Variants in TMEM164 observed in about 807,000 individuals in gnomAD.
TMEM164 encodes the protein transmembrane protein 164.
A neutral mutation model predicts 18.8 loss-of-function variants in TMEM164; 4 were observed. That is an observed-to-expected ratio of 0.21 (90% CI 0.10 to 0.49). The LOEUF (loss-of-function observed/expected upper bound fraction) is 0.49. Ranked by LOEUF, TMEM164 falls within the 20% of genes least tolerant of loss-of-function variation. TMEM164 has a pLI of 0.98. For missense variants in TMEM164, 108 were observed against 239.9 expected (o/e 0.45, Z 3.63); for synonymous variants, 86 against 101.7 (o/e 0.85, Z 0.93).
chrX:110,134,708 G>C (rs781507825), intron 4 of TMEM164, among the ~76,000 whole-genome samples: 144 of 109,093 alleles, frequency 1.3e-3, no homozygotes, highest in Admixed American at 6.7e-3. Flanking sequence ...CTGGAGGTGA[G>C]GTGAGGAGTG....
downstream of TMEM164, among the ~76,000 whole-genome samples, chrX:110,180,058 A>C (rs371340660): frequency 1.1e-4 from 12 of 112,366 alleles, no homozygotes; most frequent in Non-Finnish European, 2.3e-4. Flanking sequence ...GTCCTGGATA[A>C]GGAGGCAGTA....
chrX:110,096,664 G>A (rs756976972), intron 3 of TMEM164, among the ~76,000 whole-genome samples: 19 of 112,101 alleles, frequency 1.7e-4, no homozygotes, highest in South Asian at 1.1e-3. Context: ...GCCCTGCTTC[G>A]GCTCATGCTT....
chrX:110,026,339 G>T (rs189915829), intron 2 of TMEM164, among the ~76,000 whole-genome samples: 1 of 111,836 alleles, frequency 8.9e-6, no homozygotes. Flanking sequence ...AGAAAAGGGC[G>T]TGTTCCTCTA....
chrX:110,008,261 C>T (rs1367137708), intron 2 of TMEM164, among the ~76,000 whole-genome samples: 1 of 111,989 alleles, frequency 8.9e-6, no homozygotes, highest in Non-Finnish European at 1.9e-5. Context: ...TGTTGCATTC[C>T]GGTTGTTATG....
intron 3 of TMEM164, among the ~76,000 whole-genome samples, chrX:110,104,509 A>G (rs1436514210): frequency 8.9e-6 from 1 of 112,199 alleles, no homozygotes; most frequent in Non-Finnish European, 1.9e-5. Context: ...CCCAAGAATC[A>G]GAGAAAAGTT....
At chrX:110,061,771 G>A (rs1334919741) in intron 2 of TMEM164, among the ~76,000 whole-genome samples, 1 of 111,398 alleles carries the variant, frequency 9.0e-6, no homozygotes, top group Admixed American at 9.6e-5. Context: ...GGCAAATCAA[G>A]GGAGATAATG....
At chrX:110,055,442 C>T in intron 2 of TMEM164, 1 of 188,227 alleles carries the variant, frequency 5.3e-6, no homozygotes, top group Non-Finnish European at 1.1e-5. Context: ...TACTCGGCGG[C>T]CCTGGCATAA....
At chrX:110,058,610 T>TTTC (rs1555993444) in intron 2 of TMEM164, among the ~76,000 whole-genome samples, 1 of 31,600 alleles carries the variant, frequency 3.2e-5, no homozygotes, top group Non-Finnish European at 1.1e-4. Flanking sequence ...CCTTTCTTTC[T>TTTC]TTTTTTTTTT....
chrX:110,144,317 C>T (rs3850158), intron 4 of TMEM164, among the ~76,000 whole-genome samples: 1,361 of 111,698 alleles, frequency 0.012, 16 homozygotes, highest in African/African-American at 0.042. Context: ...AATAGTCTAC[C>T]GTCTAGTCTC....
chrX:110,140,604 C>T (rs751939294), intron 4 of TMEM164, among the ~76,000 whole-genome samples: 1 of 111,785 alleles, frequency 8.9e-6, no homozygotes, highest in Non-Finnish European at 1.9e-5. Flanking sequence ...CTGTTTCAGA[C>T]AGTCTAAACT....
intron 5 of TMEM164, among the ~76,000 whole-genome samples, chrX:110,168,083 G>A (rs972957263): frequency 5.3e-5 from 6 of 112,196 alleles, no homozygotes; most frequent in South Asian, 7.4e-4. Context: ...AGGGGGCGCC[G>A]AGCAGAGAGG....
intron 5 of TMEM164, among the ~76,000 whole-genome samples, chrX:110,168,224 C>T (rs976454891): frequency 8.8e-6 from 1 of 113,045 alleles, no homozygotes; most frequent in Admixed American, 9.2e-5. Context: ...GGTGACAACA[C>T]GGTGCCCAGT....
intron 2 of TMEM164, among the ~76,000 whole-genome samples, chrX:110,031,727 T>C (rs1002896626): frequency 2.9e-4 from 32 of 110,987 alleles, no homozygotes; most frequent in Non-Finnish European, 5.8e-4. Context: ...CAGTGTGAGA[T>C]TTTGATACAC....
At chrX:110,076,403 T>C (rs924225900) in intron 3 of TMEM164, among the ~76,000 whole-genome samples, 1 of 111,416 alleles carries the variant, frequency 9.0e-6, no homozygotes, top group Non-Finnish European at 1.9e-5. Context: ...TTATAGATCT[T>C]GTTTATCCTT....
intron 4 of TMEM164, among the ~76,000 whole-genome samples, chrX:110,124,172 A>AAGGCAGGCAGGC (rs1376162998): frequency 6.0e-4 from 50 of 83,970 alleles, no homozygotes; most frequent in African/African-American, 2.5e-3. Context: ...GGAAGGAAGG[A>AAGGCAGGCAGGC]AGGAAGGCAG....
Position 110,127,849 on chromosome X carries a change from T to C in TMEM164, c.508-16949T>C, listed in dbSNP as rs2066556870. Reference sequence around the variant, plus strand: ...TGTGTCCTGTATCAGCAAGCTGCCATTGAAAGAGGGCCATGGACCCTGCGT... The same window carrying C: ...TGTGTCCTGTATCAGCAAGCTGCCACTGAAAGAGGGCCATGGACCCTGCGT... On this transcript the variant is annotated intron_variant, in intron 4 of 6. Coordinates refer to ENST00000372068, the MANE Select transcript of TMEM164 (RefSeq NM_032227.4). 3.6e-5 allele frequency among the ~76,000 whole-genome samples: 4 copies of C among 111,539 alleles called. No homozygotes were observed. The Admixed American group carries it at 3.8e-4, about 11-fold the overall frequency.
chrX:110,173,044 C>T (rs920558440), intron 6 of TMEM164, among the ~76,000 whole-genome samples: 3 of 112,036 alleles, frequency 2.7e-5, no homozygotes, highest in African/African-American at 6.5e-5. Context: ...CACTAGACGG[C>T]CCTCCGCCAT....
downstream of TMEM164, chrX:110,182,654 G>A (rs2067327927): frequency 8.9e-6 from 1 of 111,763 alleles, no homozygotes. Context: ...GGGTTGATGT[G>A]AGTGGCTGTC....
At chrX:110,050,371 G>A (rs1389229733) in intron 2 of TMEM164, among the ~76,000 whole-genome samples, 1 of 111,940 alleles carries the variant, frequency 8.9e-6, no homozygotes, top group Non-Finnish European at 1.9e-5. Context: ...GGAGTTTTCA[G>A]AAAAGAGCCT....
Sources: allele counts gnomAD v4.1 joint callset (sites outside exome capture counted in the v4.1 genomes callset), GRCh38; gene constraint gnomAD v4.1.1; transcripts MANE v1.5; gene names NCBI Gene and HGNC (gene_info 2026-07-23, HGNC 2026-07-21).